BMP2K: variants seen among roughly 807,000 people sequenced by gnomAD.
BMP2K encodes BMP2 inducible kinase.
A neutral mutation model predicts 116.0 loss-of-function variants in BMP2K; 74 were observed. The observed-to-expected ratio is 0.64, with a 90% confidence interval of 0.53 to 0.77. The LOEUF (loss-of-function observed/expected upper bound fraction) is 0.77, where lower values mean the gene tolerates loss of function less well. Among genes scored for constraint, BMP2K ranks in the 30% least tolerant of loss-of-function variants. The pLI is 0.00. For synonymous variants in BMP2K, 486 were observed against 502.5 expected (o/e 0.97, Z 0.44); for missense variants, 1,365 against 1,403.6 (o/e 0.97, Z 0.44).
At chr4:78,797,953 C>T (rs958951956) in intron 1 of BMP2K, among the ~76,000 whole-genome samples, 1 of 152,008 alleles carries the variant, frequency 6.6e-6, no homozygotes, top group Non-Finnish European at 1.5e-5. Flanking sequence ...CATTTGGGAC[C>T]ACAGGTGTGT....
intron 1 of BMP2K, among the ~76,000 whole-genome samples, chr4:78,786,451 GTT>G (rs58600457): frequency 7.7e-6 from 1 of 130,562 alleles, no homozygotes; most frequent in Non-Finnish European, 1.7e-5. Context: ...GTGTGTGTGT[GTT>G]TTGAGACACG....
intron 1 of BMP2K, among the ~76,000 whole-genome samples, chr4:78,814,490 G>T (rs1293190125): frequency 1.3e-5 from 2 of 152,178 alleles, no homozygotes; most frequent in African/African-American, 4.8e-5. Flanking sequence ...AATCATGGGG[G>T]CAGTTTCCTC....
intron 1 of BMP2K, among the ~76,000 whole-genome samples, chr4:78,815,273 A>G (rs374641875): frequency 3.3e-5 from 5 of 152,154 alleles, no homozygotes; most frequent in African/African-American, 4.8e-5. Context: ...TATCATTTCT[A>G]TTTTTAAAAA....
intron 6 of BMP2K, 103 bp from the exon 7 acceptor site, chr4:78,850,821 C>T (rs1731214630): frequency 9.0e-7 from 1 of 1,107,264 alleles, no homozygotes; most frequent in Non-Finnish European, 1.3e-6. Flanking sequence ...AAGATTGCTG[C>T]AGTATAGAAA....
intron 3 of BMP2K, among the ~76,000 whole-genome samples, chr4:78,837,720 C>T (rs1730557609): frequency 6.6e-6 from 1 of 152,128 alleles, no homozygotes; most frequent in Non-Finnish European, 1.5e-5. Flanking sequence ...AGTCCAAAGT[C>T]AAACTTCAGG....
At chr4:78,853,969 G>C (rs568839322) in intron 7 of BMP2K, among the ~76,000 whole-genome samples, 1 of 152,152 alleles carries the variant, frequency 6.6e-6, no homozygotes, top group South Asian at 2.1e-4. Flanking sequence ...ACTTACTAGA[G>C]CATACTTTCC....
rs1344765108 is a variant in BMP2K at position 78,915,497 on chromosome 4, T to C, written c.*3464T>C. ...TTTTTTCTTTTTAGCAAACTTGTTA[T>C]TTTAGGTCCAATTATTGAGTTGACA... On this transcript the variant is annotated 3_prime_UTR_variant, in exon 16 of 16. Coordinates refer to ENST00000502613, the MANE Select transcript of BMP2K (RefSeq NM_198892.2). 1.3e-5 allele frequency: 2 copies of C among 151,940 alleles called. No homozygotes were observed. The highest frequency in any genetic ancestry group is 3.8e-4 in the East Asian group (2 of 5,206). The allele number at this position is 151,940 out of a possible 1,614,324, so 9.4% of individuals were successfully genotyped here. A position where few individuals can be genotyped will look rare whatever the true frequency, so the allele number is the denominator to read the frequency against.
Position 78,826,022 on chromosome 4 carries a change from G to A in BMP2K, c.179-15G>A, listed in dbSNP as rs1729852008. ...TTTTGTTTCTTTTAAATTAATTGGT[G>A]CTTTGTTTTTCTAGGTGGATTCTCC... On this transcript the variant is annotated splice_polypyrimidine_tract_variant and intron_variant, in intron 1 of 15. Transcript: ENST00000502613. 1 of 1,579,322 alleles carries A rather than the reference G, an allele frequency of 6.3e-7. No individual in the cohort carries two copies. Among genetic ancestry groups the A allele is most frequent in the Non-Finnish European group, 8.7e-7 (1 of 1,151,874 alleles).
chr4:78,861,310 A>T (rs1731774228), intron 8 of BMP2K, 79 bp from the exon 9 acceptor site: 2 of 1,087,394 alleles, frequency 1.8e-6, no homozygotes, highest in Admixed American at 2.6e-5. Flanking sequence ...AAGTTCAATG[A>T]TATATCCATA....
At chr4:78,784,294 A>G (rs969059209) in intron 1 of BMP2K, among the ~76,000 whole-genome samples, 1 of 152,226 alleles carries the variant, frequency 6.6e-6, no homozygotes, top group Non-Finnish European at 1.5e-5. Flanking sequence ...ACCATTTCAA[A>G]GCTGCCACAC....
intron 1 of BMP2K, among the ~76,000 whole-genome samples, chr4:78,776,957 G>A (rs2109908814): frequency 6.6e-6 from 1 of 152,278 alleles, no homozygotes; most frequent in South Asian, 2.1e-4. Context: ...ATCATTTTCT[G>A]TGCTTTTTGA....
chr4:78,854,285 AT>A (rs1731397631), intron 7 of BMP2K, among the ~76,000 whole-genome samples: 1 of 136,472 alleles, frequency 7.3e-6, no homozygotes, highest in African/African-American at 2.7e-5. Context: ...TTATTTATTT[AT>A]TTTTTAAGAC....
In BMP2K at chr4:78,910,929, GGAA is replaced by G. The variant is rs1378463751; in HGVS notation, c.2388_2390del (p.Glu798del). On this transcript the variant is annotated inframe_deletion, in exon 16 of 16. Transcript: ENST00000502613. ...CTCTCCTCATGGATTCTGAAGATGA[GGAA>G]GAAGAGGAGAAACATAGCTCTGATT... 1 of 1,613,668 alleles carries G rather than the reference GGAA, an allele frequency of 6.2e-7. No individual in the cohort carries two copies. The highest frequency in any genetic ancestry group is 8.5e-7 in the Non-Finnish European group (1 of 1,179,820).
intron 1 of BMP2K, among the ~76,000 whole-genome samples, chr4:78,802,675 A>G (rs940238577): frequency 9.9e-5 from 15 of 152,122 alleles, no homozygotes; most frequent in African/African-American, 3.1e-4. Context: ...GTTATAGCCA[A>G]ATGTTTACTG....
intron 2 of BMP2K, 50 bp from the exon 3 acceptor site, chr4:78,833,532 A>G (rs781506678): frequency 4.0e-6 from 5 of 1,249,888 alleles, no homozygotes; most frequent in South Asian, 2.7e-5. Flanking sequence ...TACTAATTCT[A>G]TACCTTTAAA....
At chr4:78,819,574 C>G (rs1000849693) in intron 1 of BMP2K, among the ~76,000 whole-genome samples, 1 of 152,054 alleles carries the variant, frequency 6.6e-6, no homozygotes, top group Non-Finnish European at 1.5e-5. Flanking sequence ...ATGAGGAGAT[C>G]TTATTATCTC....
intron 13 of BMP2K, among the ~76,000 whole-genome samples, chr4:78,874,206 G>T (rs1459104598): frequency 6.7e-6 from 1 of 150,032 alleles, no homozygotes; most frequent in Non-Finnish European, 1.5e-5. Context: ...CACACAAAAA[G>T]TTCAGATCAG....
At chr4:78,910,533 A>G in intron 15 of BMP2K, 77 bp from the exon 16 acceptor site, 1 of 1,170,526 alleles carries the variant, frequency 8.5e-7, no homozygotes, top group Non-Finnish European at 1.2e-6. Flanking sequence ...TGCCATGTGT[A>G]ATACATATTA....
At position 78,872,661 on chromosome 4, in the gene BMP2K, A is replaced by C. The variant is rs746899710; in HGVS notation, c.1656A>C (p.Gln552His). ...TCTTTCAACAGCAGATGCTAGCTCA[A>C]CATCAGCCGTCTCAACAACAGGCAT... Reference protein sequence around the residue: ...QAFFQQQMLAQHQPSQQQASP... With the variant: ...QAFFQQQMLAHHQPSQQQASP... The change falls in exon 13 of 16, where the codon CAA (glutamine) becomes CAC (histidine). Residue 552 changes from glutamine to histidine, a missense_variant. Gln to His is a conservative substitution (Grantham distance 24, BLOSUM62 0). Around this residue, in one of 3 missense-constraint regions of BMP2K, gnomAD observed 762 missense variants for 756.7 expected, o/e 1.01. Coordinates refer to ENST00000502613, the MANE Select transcript of BMP2K (RefSeq NM_198892.2). 9.9e-6 allele frequency: 16 copies of C among 1,614,004 alleles called. No individual in the cohort carries two copies. Among genetic ancestry groups the C allele is most frequent in the Non-Finnish European group, 1.4e-5 (16 of 1,180,004 alleles).
Sources: allele counts gnomAD v4.1 joint callset (sites outside exome capture counted in the v4.1 genomes callset), GRCh38; gene constraint gnomAD v4.1.1; regional missense constraint gnomAD v4.1.1; transcripts MANE v1.5; gene names NCBI Gene and HGNC (gene_info 2026-07-23, HGNC 2026-07-21).